SIAH1: variants seen among roughly 807,000 people sequenced by gnomAD.
The protein encoded by SIAH1 is E3 ubiquitin-protein ligase SIAH1.
Under a neutral mutation model 20.0 loss-of-function variants are expected in SIAH1, and 2 were observed. That is an observed-to-expected ratio of 0.10 (90% confidence interval 0.04 to 0.31). SIAH1 has a LOEUF of 0.31. Ranked by LOEUF, SIAH1 falls within the 10% of genes least tolerant of loss-of-function variation. The pLI, the probability that SIAH1 is intolerant of heterozygous loss-of-function variation, is 1.00. For missense variants in SIAH1, 119 were observed against 355.3 expected, an observed-to-expected ratio of 0.33 and a Z score of 5.35; for synonymous variants, 118 against 125.3, an observed-to-expected ratio of 0.94 and a Z score of 0.39.
chr16:48,371,152 A>G (rs927744000), intron 1 of SIAH1, among the ~76,000 whole-genome samples: 3 of 151,208 alleles, frequency 2.0e-5, no homozygotes, highest in Non-Finnish European at 4.4e-5. Flanking sequence ...AAGCTGGCAC[A>G]TGCCTGTAGT....
chr16:48,363,682 C>CTAGGGTTCTCCAG (rs1186012048), intron 1 of SIAH1: 2 of 167,084 alleles, frequency 1.2e-5, no homozygotes, highest in East Asian at 3.9e-4. Flanking sequence ...GTGAAGAACC[C>CTAGGGTTCTCCAG]CTTGCAGCCT....
At chr16:48,365,538 C>G in intron 1 of SIAH1, 1 of 1,574,332 alleles carries the variant, frequency 6.4e-7, no homozygotes, top group Non-Finnish European at 8.6e-7. Context: ...CCCTCCTGGG[C>G]TCTTTCTGCT....
At chr16:48,383,944 A>G (rs1330784695) in intron 1 of SIAH1, among the ~76,000 whole-genome samples, 1 of 152,236 alleles carries the variant, frequency 6.6e-6, no homozygotes, top group Non-Finnish European at 1.5e-5. Context: ...TGGGGCTGCC[A>G]CTGCTTTCAG....
chr16:48,363,554 T>C (rs1960696167), intron 1 of SIAH1: 1 of 166,952 alleles, frequency 6.0e-6, no homozygotes, highest in Admixed American at 6.5e-5. Context: ...CCACAATATG[T>C]GTCAGACATA....
rs576040014 is a variant in SIAH1, at chr16:48,362,656, G to A, written c.-2-226C>T. 56 of 494,714 alleles carry A rather than the reference G, an allele frequency of 1.1e-4. No homozygotes were observed. The highest frequency in any genetic ancestry group is 4.1e-4 in the Admixed American group (11 of 26,690). 30.6% of individuals were successfully genotyped at this position (494,714 alleles called of 1,614,324 possible). A position where few individuals can be genotyped will look rare whatever the true frequency, so the allele number is the denominator to read the frequency against. On this transcript the variant is annotated intron_variant, in intron 1 of 1. Transcript: ENST00000394725. The surrounding 1 kb of genome is among the most constrained non-coding windows in gnomAD (Gnocchi z 4.2). ...ATAAGCTCTCTTTTCAAAATGTTCC[G>A]GAAAACATGTGGAACTCCCTTAATC...
At chr16:48,365,653 C>T in intron 1 of SIAH1, 1 of 1,431,894 alleles carries the variant, frequency 7.0e-7, no homozygotes, top group Non-Finnish European at 9.1e-7. Context: ...CCTTTCCATC[C>T]CCAGGAGGCA....
chr16:48,372,179 T>C (rs987245835), intron 1 of SIAH1, among the ~76,000 whole-genome samples: 2 of 152,188 alleles, frequency 1.3e-5, no homozygotes, highest in Non-Finnish European at 2.9e-5. Context: ...GATTGATGGC[T>C]CTTTACTAGT....
At chr16:48,371,995 G>GT (rs1352523460) in intron 1 of SIAH1, among the ~76,000 whole-genome samples, 3 of 151,504 alleles carry the variant, frequency 2.0e-5, no homozygotes, top group Admixed American at 6.6e-5. Context: ...AATCTGGTAG[G>GT]TAAGTATGTA....
chr16:48,364,817 A>C, intron 1 of SIAH1: 1 of 152,520 alleles, frequency 6.6e-6, no homozygotes, highest in South Asian at 2.1e-4. Flanking sequence ...CTTTCAAATT[A>C]CTAAATCAAA....
At chr16:48,384,088 G>A (rs563137765) in intron 1 of SIAH1, among the ~76,000 whole-genome samples, 1 of 152,324 alleles carries the variant, frequency 6.6e-6, no homozygotes, top group South Asian at 2.1e-4. Context: ...AGCAGGATTT[G>A]ACCCAAAGCA....
At chr16:48,384,943 C>T (rs1163153671) in intron 1 of SIAH1, among the ~76,000 whole-genome samples, 1 of 145,766 alleles carries the variant, frequency 6.9e-6, no homozygotes, top group Non-Finnish European at 1.5e-5. Context: ...GCGGGGCCGA[C>T]CCCCGCCGCC....
chr16:48,362,141 G>A lies in SIAH1; in HGVS notation c.288C>T (p.Phe96=). The A allele has an allele frequency of 6.2e-7, 1 of 1,614,188 alleles. No homozygotes were observed. Among genetic ancestry groups the A allele is most frequent in the Non-Finnish European group, 8.5e-7 (1 of 1,180,036 alleles). ...ATCCAGAAGACGCATATTTACAGGGGAAAAGTACTGAATTAGCCACTTTCT... is the reference window on the plus strand; with the variant it reads ...ATCCAGAAGACGCATATTTACAGGGAAAAAGTACTGAATTAGCCACTTTCT... ...AMEKVANSVL[F]PCKYASSGCE... Residue 96 remains phenylalanine, a synonymous_variant, in exon 2 of 2, where the codon TTC becomes TTT. Coordinates refer to ENST00000394725, the MANE Select transcript of SIAH1 (RefSeq NM_003031.4). This position sits in a 1 kb window ranked among gnomAD's most constrained non-coding sequence, Gnocchi z 4.2.
At chr16:48,372,908 G>C (rs951607229) in intron 1 of SIAH1, among the ~76,000 whole-genome samples, 3 of 152,110 alleles carry the variant, frequency 2.0e-5, no homozygotes, top group Admixed American at 2.0e-4. Flanking sequence ...TATTTAAATT[G>C]CAAGTTTTGA....
upstream of SIAH1, chr16:48,385,458 G>GGCC (rs1488002189): frequency 2.0e-5 from 3 of 150,048 alleles, no homozygotes; most frequent in Non-Finnish European, 4.4e-5. Flanking sequence ...CTGCGGCGGC[G>GGCC]GCCATGAGGA....
Position 48,362,774 on chromosome 16 carries a change from C to A in SIAH1, c.-2-344G>T. 1 of 223,924 alleles carries A rather than the reference C, an allele frequency of 4.5e-6. No individual in the cohort carries two copies. The allele number at this position is 223,924 out of a possible 1,614,324, so 13.9% of individuals were successfully genotyped here. Reference sequence around the variant, plus strand: ...ACTATACAAGGAACTGAAGTTTAATCGAATCCGTTTTGCTAGGACTCTCCC... The same window carrying A: ...ACTATACAAGGAACTGAAGTTTAATAGAATCCGTTTTGCTAGGACTCTCCC... On this transcript the variant is annotated intron_variant, in intron 1 of 1. Coordinates refer to ENST00000394725, the MANE Select transcript of SIAH1 (RefSeq NM_003031.4). The surrounding 1 kb of genome is among the most constrained non-coding windows in gnomAD (Gnocchi z 4.2).
At chr16:48,365,893 C>T (rs1960817029) in intron 1 of SIAH1, 4 of 1,233,834 alleles carry the variant, frequency 3.2e-6, no homozygotes, top group Non-Finnish European at 4.0e-6. Context: ...ACTGCAGGAG[C>T]CTGCCTGCCG....
Position 48,362,763 on chromosome 16 carries a change from T to C in SIAH1, c.-2-333A>G. On this transcript the variant is annotated intron_variant, in intron 1 of 1. Transcript: ENST00000394725. This position sits in a 1 kb window ranked among gnomAD's most constrained non-coding sequence, Gnocchi z 4.2. ...CAACTAAAGAAACTATACAAGGAAC[T>C]GAAGTTTAATCGAATCCGTTTTGCT... is the stretch of plus-strand genomic sequence containing the variant. The C allele has an allele frequency of 4.3e-6, 1 of 231,634 alleles. No individual in the cohort carries two copies. Among genetic ancestry groups the C allele is most frequent in the Non-Finnish European group, 9.2e-6 (1 of 108,680 alleles). 14.3% of individuals were successfully genotyped at this position (231,634 alleles called of 1,614,324 possible).
chr16:48,385,954 T>C (rs1425992340), upstream of SIAH1, among the ~76,000 whole-genome samples: 1 of 152,100 alleles, frequency 6.6e-6, no homozygotes, highest in African/African-American at 2.4e-5. Flanking sequence ...TCCCAGCCTC[T>C]CCCGAGGTTG....
At chr16:48,386,289 C>T (rs532527231), upstream of SIAH1, among the ~76,000 whole-genome samples, 1 of 152,216 alleles carries the variant, frequency 6.6e-6, no homozygotes, top group Non-Finnish European at 1.5e-5. Flanking sequence ...GATGGATTAC[C>T]TGAGGTCAGG....
Sources: gnomAD v4.1 joint callset for allele counts (sites outside exome capture counted in the v4.1 genomes callset) on GRCh38, gnomAD v4.1.1 for gene constraint, Gnocchi (gnomAD v3.1) non-coding constraint, MANE v1.5 for transcripts, NCBI Gene and HGNC (gene_info 2026-07-23, HGNC 2026-07-21) for gene names.